RANBP2: variants seen among roughly 807,000 people sequenced by gnomAD.
RANBP2 encodes the protein RAN binding protein 2.
A neutral mutation model predicts 303.6 loss-of-function variants in RANBP2; 57 were observed. The ratio of observed to expected loss-of-function variants is 0.19; its 90% CI spans 0.15 to 0.23. RANBP2 has a LOEUF of 0.23. Ranked by LOEUF, RANBP2 falls within the 10% of genes least tolerant of loss-of-function variation. The pLI is 1.00. For synonymous variants in RANBP2, 1,167 were observed against 1,301.5 expected, an observed-to-expected ratio of 0.90 and a Z score of 2.23; for missense variants, 3,138 against 3,780.8, an observed-to-expected ratio of 0.83 and a Z score of 4.46.
chr2:109,193,566 A>T, the RANBP2 span, among the ~76,000 whole-genome samples: 1 of 151,976 alleles, frequency 6.6e-6, no homozygotes, highest in Admixed American at 6.6e-5. Context: ...AAGCTCACCC[A>T]TGTGGTATGT....
At chr2:109,720,262 T>TAC in the RANBP2 span, among the ~76,000 whole-genome samples, 8 of 150,120 alleles carry the variant, frequency 5.3e-5, no homozygotes, top group Admixed American at 4.7e-4. Flanking sequence ...TCAATCTTTA[T>TAC]ACACACACAC....
the RANBP2 span, among the ~76,000 whole-genome samples, chr2:109,236,795 A>G: frequency 2.7e-3 from 405 of 152,308 alleles, 2 homozygotes; most frequent in African/African-American, 9.4e-3. Flanking sequence ...CTTAGCCAGG[A>G]AACAGCCTAT....
At chr2:109,363,624 TAA>T in the RANBP2 span, among the ~76,000 whole-genome samples, 2 of 152,214 alleles carry the variant, frequency 1.3e-5, no homozygotes, top group African/African-American at 4.8e-5. Flanking sequence ...AAGAACTCTT[TAA>T]AAACAGTTCT....
At chr2:109,419,681 CAG>C in the RANBP2 span, 9 of 1,535,396 alleles carry the variant, frequency 5.9e-6, no homozygotes, top group Admixed American at 3.9e-5. Flanking sequence ...CCTGTGCCTG[CAG>C]CCCTCCCTCC....
chr2:109,537,111 T>C, the RANBP2 span, among the ~76,000 whole-genome samples: 1 of 152,214 alleles, frequency 6.6e-6, no homozygotes, highest in Non-Finnish European at 1.5e-5. Flanking sequence ...ACTCTGGCCA[T>C]CCTTGCCTTG....
At chr2:109,376,028 A>G in the RANBP2 span, among the ~76,000 whole-genome samples, 1 of 152,238 alleles carries the variant, frequency 6.6e-6, no homozygotes, top group African/African-American at 2.4e-5. Flanking sequence ...TGGGCTAGCC[A>G]TGGGGCATAG....
chr2:109,196,232 C>T, the RANBP2 span, among the ~76,000 whole-genome samples: 1 of 152,310 alleles, frequency 6.6e-6, no homozygotes, highest in East Asian at 1.9e-4. Context: ...TTTGGGACGG[C>T]AGAGACTGCC....
the RANBP2 span, among the ~76,000 whole-genome samples, chr2:109,174,439 A>G: frequency 6.6e-6 from 1 of 152,130 alleles, no homozygotes; most frequent in East Asian, 1.9e-4. Flanking sequence ...CGTGGGTGGG[A>G]CCAGAGTGGT....
chr2:109,145,747 G>A, the RANBP2 span, among the ~76,000 whole-genome samples: 2 of 152,222 alleles, frequency 1.3e-5, no homozygotes, highest in African/African-American at 2.4e-5. Context: ...CTCCCCACCC[G>A]TGTGAAAGGG....
the RANBP2 span, among the ~76,000 whole-genome samples, chr2:109,505,681 C>A: frequency 6.6e-6 from 1 of 152,286 alleles, no homozygotes; most frequent in South Asian, 2.1e-4. Flanking sequence ...GCTACGTGAG[C>A]AATCAAGGTT....
chr2:108,918,367 G>A, the RANBP2 span, among the ~76,000 whole-genome samples: 1 of 152,218 alleles, frequency 6.6e-6, no homozygotes, highest in African/African-American at 2.4e-5. Flanking sequence ...TGTGCTGTGT[G>A]TTTCGGTTCA....
the RANBP2 span, among the ~76,000 whole-genome samples, chr2:109,718,486 T>C: frequency 2.6e-5 from 4 of 152,220 alleles, no homozygotes; most frequent in African/African-American, 9.6e-5. Context: ...ATTATAGGAT[T>C]ACATTTATAC....
the RANBP2 span, among the ~76,000 whole-genome samples, chr2:109,727,348 G>A: frequency 1.3e-5 from 2 of 152,156 alleles, no homozygotes; most frequent in African/African-American, 4.8e-5. Context: ...AGTTCCATGA[G>A]ATAGGTTTTA....
the RANBP2 span, among the ~76,000 whole-genome samples, chr2:108,888,415 A>G: frequency 2.0e-5 from 3 of 151,942 alleles, no homozygotes; most frequent in Non-Finnish European, 1.5e-5. Flanking sequence ...CTTCTCTTCA[A>G]TTTTTTGGAA....
At chr2:108,730,559 A>G (rs940080339) in intron 2 of RANBP2, among the ~76,000 whole-genome samples, 8 of 152,194 alleles carry the variant, frequency 5.3e-5, no homozygotes, top group African/African-American at 1.7e-4. Flanking sequence ...GTGACATTTA[A>G]TGGTAAAATG....
At chr2:109,317,177 T>C in the RANBP2 span, among the ~76,000 whole-genome samples, 2 of 143,850 alleles carry the variant, frequency 1.4e-5, no homozygotes, top group African/African-American at 5.6e-5. Context: ...TTTGTGGATG[T>C]AAGTTTTCAT....
At chr2:109,036,467 G>A in the RANBP2 span, among the ~76,000 whole-genome samples, 1,618 of 152,122 alleles carry the variant, frequency 0.011, 31 homozygotes, top group African/African-American at 0.038. Flanking sequence ...ATACAGCATC[G>A]TATATAAAAA....
chr2:109,032,584 C>T, the RANBP2 span, among the ~76,000 whole-genome samples: 11 of 151,864 alleles, frequency 7.2e-5, no homozygotes, highest in Non-Finnish European at 1.3e-4. Context: ...CTCCCCTCCC[C>T]ATGGGGTGGG....
At chr2:109,725,728 C>CTTTTTTCTT in the RANBP2 span, among the ~76,000 whole-genome samples, 1 of 151,986 alleles carries the variant, frequency 6.6e-6, no homozygotes, top group Non-Finnish European at 1.5e-5. Context: ...GAGGTTGTAT[C>CTTTTTTCTT]TTTTTTCTTT....
Sources: allele counts gnomAD v4.1 joint callset (sites outside exome capture counted in the v4.1 genomes callset), GRCh38; gene constraint gnomAD v4.1.1; transcripts MANE v1.5; gene names NCBI Gene and HGNC (gene_info 2026-07-23, HGNC 2026-07-21).